CCDC191: variants seen among roughly 807,000 people sequenced by gnomAD.
CCDC191 encodes the protein coiled-coil domain-containing protein 191.
Under a neutral mutation model 114.0 loss-of-function variants are expected in CCDC191, and 99 were observed. The observed-to-expected ratio is 0.87, with a 90% CI of 0.74 to 1.03. CCDC191 has a LOEUF of 1.03. CCDC191 is among the 50% of genes least tolerant of loss of function. The pLI is 0.00. For synonymous variants in CCDC191, 351 were observed against 376.0 expected (o/e 0.93, Z 0.77); for missense variants, 973 against 1,087.0 (o/e 0.90, Z 1.47).
intron 2 of CCDC191, among the ~76,000 whole-genome samples, chr3:114,049,723 A>G (rs971485876): frequency 2.0e-5 from 3 of 152,194 alleles, no homozygotes; most frequent in African/African-American, 7.2e-5. Context: ...TAAAATGAAG[A>G]TTTGAGGAGA....
chr3:114,016,445 T>C (rs1437291328), intron 8 of CCDC191, among the ~76,000 whole-genome samples: 1 of 152,240 alleles, frequency 6.6e-6, no homozygotes, highest in African/African-American at 2.4e-5. Context: ...TCTCTGGGCC[T>C]TACTTTTATC....
chr3:114,028,017 C>T (rs868416647), intron 7 of CCDC191, among the ~76,000 whole-genome samples: 23 of 152,050 alleles, frequency 1.5e-4, no homozygotes, highest in African/African-American at 4.6e-4. Flanking sequence ...TGTAAGAGCC[C>T]GAGGAGGCTG....
At chr3:114,020,875 G>A (rs1023622002) in intron 7 of CCDC191, among the ~76,000 whole-genome samples, 1 of 152,042 alleles carries the variant, frequency 6.6e-6, no homozygotes, top group Non-Finnish European at 1.5e-5. Flanking sequence ...CTTTGATTCT[G>A]ACAATCCTTT....
intron 16 of CCDC191, among the ~76,000 whole-genome samples, chr3:113,973,596 GTTT>G (rs61420341): frequency 6.9e-6 from 1 of 145,566 alleles, no homozygotes; most frequent in Non-Finnish European, 1.5e-5. Context: ...TGGATGGCAG[GTTT>G]TTTTTTTTTC....
At position 114,001,668 on chromosome 3, in the gene CCDC191, C is replaced by A; in HGVS notation, c.2090G>T (p.Arg697Leu). 1 of 1,613,874 alleles carries A rather than the reference C, an allele frequency of 6.2e-7. No individual in the cohort carries two copies. Residue 697 changes from arginine (R) to leucine (L), a missense_variant, in exon 13 of 17, where the codon CGT (arginine) becomes CTT (leucine). Arg to Leu is a moderately radical substitution (Grantham distance 102). Transcript: ENST00000295878. ...CTTTTCTTCTGCCTCCCTTTTCTGA[C>A]GTTCCTCCTCTTGGGCCTTTAACTG... ...LAQLKAQEEE[R>L]QKREAEEKEA...
At chr3:113,967,719 G>A (rs1940354998) in intron 16 of CCDC191, among the ~76,000 whole-genome samples, 1 of 152,026 alleles carries the variant, frequency 6.6e-6, no homozygotes, top group Non-Finnish European at 1.5e-5. Context: ...CTGATCTATT[G>A]AACATTAGGC....
chr3:113,990,367 A>C (rs1302480595), intron 13 of CCDC191, among the ~76,000 whole-genome samples: 1 of 152,116 alleles, frequency 6.6e-6, no homozygotes, highest in African/African-American at 2.4e-5. Flanking sequence ...TGAAATATAC[A>C]AACTACCAAG....
chr3:114,014,276 TA>T (rs1240461752), intron 8 of CCDC191, among the ~76,000 whole-genome samples: 1 of 152,164 alleles, frequency 6.6e-6, no homozygotes, highest in Non-Finnish European at 1.5e-5. Context: ...AAAACTGTTT[TA>T]AAAAGTTTTA....
At chr3:113,993,066 C>A (rs991460126) in intron 13 of CCDC191, among the ~76,000 whole-genome samples, 2 of 152,140 alleles carry the variant, frequency 1.3e-5, no homozygotes, top group Non-Finnish European at 2.9e-5. Flanking sequence ...ATATGATCAT[C>A]TCAACAGATG....
At position 114,030,620 on chromosome 3, in the gene CCDC191, C is replaced by G. The variant is rs899255675; in HGVS notation, c.972+1006G>C. On this transcript the variant is annotated intron_variant, in intron 7 of 16. Transcript: ENST00000295878. ...TTGTTGGTTAATAACTGAGTAATTA[C>G]AACCTCTTATCAGTTCAAAATATCA... is the stretch of plus-strand genomic sequence containing the variant. Among the ~76,000 whole-genome samples the G allele has an allele frequency of 1.6e-4, 24 of 152,164 alleles. 1 individual carries two copies. Among genetic ancestry groups the G allele is most frequent in the African/African-American group, 5.3e-4 (22 of 41,444 alleles).
At chr3:113,977,264 G>T (rs1035947499) in intron 16 of CCDC191, among the ~76,000 whole-genome samples, 1 of 151,996 alleles carries the variant, frequency 6.6e-6, no homozygotes, top group African/African-American at 2.4e-5. Flanking sequence ...ACTTCAGCCC[G>T]GGCAACAGAG....
At chr3:114,026,817 C>A (rs1043273973) in intron 7 of CCDC191, among the ~76,000 whole-genome samples, 11 of 152,222 alleles carry the variant, frequency 7.2e-5, no homozygotes, top group African/African-American at 2.4e-4. Flanking sequence ...TTATTTTATT[C>A]TTTAACAGAA....
chr3:113,995,027 A>G (rs1269544734), intron 13 of CCDC191, among the ~76,000 whole-genome samples: 1 of 152,236 alleles, frequency 6.6e-6, no homozygotes, highest in Non-Finnish European at 1.5e-5. Flanking sequence ...ATTTGATGAT[A>G]AAAAGGACCG....
rs1047616851 is a variant in CCDC191 at position 113,979,108 on chromosome 3, G to A, written c.2308-98C>T. On this transcript the variant is annotated intron_variant, in intron 14 of 16. Coordinates refer to ENST00000295878, the MANE Select transcript of CCDC191 (RefSeq NM_020817.2). ...AAATGATGCTATAAAACACATTTAGGCAGTCGGTAGAGAATAATCTGAAGG... is the reference window on the plus strand; with the variant it reads ...AAATGATGCTATAAAACACATTTAGACAGTCGGTAGAGAATAATCTGAAGG... 9.3e-5 allele frequency: 103 copies of A among 1,106,336 alleles called. No individual in the cohort carries two copies. In the Middle Eastern group the frequency reaches 1.7e-3, roughly 18 times the overall value. The allele number at this position is 1,106,336 out of a possible 1,614,324, so 68.5% of individuals were successfully genotyped here.
Position 114,018,712 on chromosome 3 carries a change from G to A in CCDC191, c.1129C>T (p.Gln377Ter), listed in dbSNP as rs573009516. 63 of 1,611,866 alleles carry A rather than the reference G, an allele frequency of 3.9e-5. No homozygotes were observed. Among genetic ancestry groups the A allele is most frequent in the Admixed American group, 2.5e-4 (15 of 59,662 alleles). ...TRFQKLERET[Q>*]ALENDLREEN... Reference sequence around the variant, plus strand: ...TCCCTAAGATCATTTTCCAAGGCTTGAGTCTCCCGCTCCAACTTCTGGAAT... The same window carrying A: ...TCCCTAAGATCATTTTCCAAGGCTTAAGTCTCCCGCTCCAACTTCTGGAAT... The change falls in exon 8 of 17, where the codon CAA becomes TAA. Residue 377 changes from glutamine (Q) to a stop codon, truncating the protein, a stop_gained. Coordinates refer to ENST00000295878, the MANE Select transcript of CCDC191 (RefSeq NM_020817.2). LOFTEE classifies it high-confidence loss of function.
Position 114,035,034 on chromosome 3 carries a change from T to A in CCDC191, c.709A>T (p.Arg237Trp). The part of the protein sequence containing the change: ...AQCLVQEEKK[R>W]KALEAKKEEE... Reference sequence around the variant, plus strand: ...TCTTTCTTGGCCTCCAGAGCCTTCCTTTTCTTCTCTTCTTGCACCAGACAC... The same window carrying A: ...TCTTTCTTGGCCTCCAGAGCCTTCCATTTCTTCTCTTCTTGCACCAGACAC... Residue 237 changes from arginine to tryptophan, a missense_variant, in exon 6 of 17, where the codon AGG (arginine) becomes TGG (tryptophan). Transcript: ENST00000295878. 1.9e-6 allele frequency: 3 copies of A among 1,614,144 alleles called. No homozygotes were observed.
At position 113,965,239 on chromosome 3, in the gene CCDC191, G is replaced by T; in HGVS notation, c.2727C>A (p.Asp909Glu). 1 of 1,612,222 alleles carries T rather than the reference G, an allele frequency of 6.2e-7. No individual in the cohort carries two copies. The highest frequency in any genetic ancestry group is 8.5e-7 in the Non-Finnish European group (1 of 1,179,044). Residue 909 changes from aspartate to glutamate, a missense_variant, in exon 17 of 17, where the codon GAC becomes GAA. Coordinates refer to ENST00000295878, the MANE Select transcript of CCDC191 (RefSeq NM_020817.2). ...CGTGGTACCTTCCAGGTACCTGGAA[G>T]TCTGGAAGAATTTCAACTACCTTCC... ...LRRKVVEILP[D>E]FQVPGRYHEL... is the part of the protein sequence containing the mutation.
At chr3:114,021,469 G>T (rs893953055) in intron 7 of CCDC191, among the ~76,000 whole-genome samples, 1 of 151,730 alleles carries the variant, frequency 6.6e-6, no homozygotes, top group African/African-American at 2.4e-5. Context: ...AAAAAAAAAA[G>T]TGTGAATCAA....
intron 6 of CCDC191, among the ~76,000 whole-genome samples, chr3:114,033,478 C>T (rs1439236828): frequency 3.3e-5 from 5 of 152,164 alleles, no homozygotes; most frequent in African/African-American, 2.4e-5. Context: ...TACTATTTTA[C>T]GGCTCTTGTT....
Sources: allele counts gnomAD v4.1 joint callset (sites outside exome capture counted in the v4.1 genomes callset), GRCh38; gene constraint gnomAD v4.1.1; transcripts MANE v1.5; gene names NCBI Gene and HGNC (gene_info 2026-07-23, HGNC 2026-07-21).